ATL2: variants seen among roughly 807,000 people sequenced by gnomAD.
ATL2 encodes atlastin GTPase 2, also known as atlastin-2.
In ATL2, 31 loss-of-function variants were observed where a neutral mutation model predicts 73.9. The observed-to-expected ratio is 0.42, with a 90% CI of 0.32 to 0.57. The LOEUF (loss-of-function observed/expected upper bound fraction) is 0.57, where lower values mean the gene tolerates loss of function less well. Among genes scored for constraint, ATL2 ranks in the 20% least tolerant of loss-of-function variants. The probability of loss-of-function intolerance (pLI) is 0.14; values close to 1 mark genes in which losing one functional copy is unlikely to be tolerated. For missense variants in ATL2, 738 were observed against 702.6 expected, an observed-to-expected ratio of 1.05 and a Z score of -0.57; for synonymous variants, 291 against 237.5, an observed-to-expected ratio of 1.23 and a Z score of -2.07.
intron 1 of ATL2, among the ~76,000 whole-genome samples, chr2:38,364,134 T>G (rs1030508545): frequency 6.6e-6 from 1 of 152,126 alleles, no homozygotes; most frequent in Admixed American, 6.5e-5. Context: ...TGGTGGCGGA[T>G]GCCTGTAATA....
chr2:38,298,198 C>T lies in ATL2; in HGVS notation c.1578G>A (p.Glu526=). 1 of 1,613,928 alleles carries T rather than the reference C, an allele frequency of 6.2e-7. No homozygotes were observed. The highest frequency in any genetic ancestry group is 8.5e-7 in the Non-Finnish European group (1 of 1,179,894). ...CAATCACTGTTCCAATTTCTCTGAA[C>T]TCCCCAGAGTATTTAACATATGCCC... ...CTWAYVKYSG[E]FREIGTVIDQ... is the part of the protein sequence containing the mutation. The change falls in exon 12 of 13, where the codon GAG becomes GAA. Residue 526 remains glutamate, a synonymous_variant. Coordinates refer to ENST00000378954, the MANE Select transcript of ATL2 (RefSeq NM_001135673.4).
intron 7 of ATL2, among the ~76,000 whole-genome samples, chr2:38,312,587 T>C (rs538035717): frequency 6.6e-6 from 1 of 151,852 alleles, no homozygotes; most frequent in South Asian, 2.1e-4. Context: ...GGCGGGCGCC[T>C]GTAATCCCAG....
At chr2:38,368,640 A>T (rs1192585606) in intron 1 of ATL2, among the ~76,000 whole-genome samples, 4 of 152,264 alleles carry the variant, frequency 2.6e-5, no homozygotes, top group African/African-American at 9.6e-5. Flanking sequence ...TTTATTTAAG[A>T]AAAACATGAA....
At position 38,294,079 on chromosome 2, in the gene ATL2, C is replaced by CA. The variant is rs1241651443; in HGVS notation, c.*1914dup. On this transcript the variant is annotated 3_prime_UTR_variant, in exon 13 of 13. Coordinates refer to ENST00000378954, the MANE Select transcript of ATL2 (RefSeq NM_001135673.4). ...CAGGGTGGCAGAAGAAATAAAAAGA[C>CA]ACTTTTCAGGTGGATTCTTTAAGAA... 6.6e-6 allele frequency among the ~76,000 whole-genome samples: 1 copy of CA among 152,182 alleles called. No homozygotes were observed. The highest frequency in any genetic ancestry group is 2.4e-5 in the African/African-American group (1 of 41,458).
chr2:38,377,195 C>G lies in ATL2; in HGVS notation c.66G>C (p.Arg22=). 6.2e-7 allele frequency: 1 copy of G among 1,610,248 alleles called. No homozygotes were observed. Among genetic ancestry groups the G allele is most frequent in the Non-Finnish European group, 8.5e-7 (1 of 1,179,102 alleles). ...QPHQGLWRRR[R]TSDPSAAVNH... is the part of the protein sequence containing the mutation. ...TAACCGCGGCGCTTGGGTCGCTGGT[C>G]CGTCGCCGGCGCCACAGCCCCTGGT... is the stretch of plus-strand genomic sequence containing the variant. The change falls in exon 1 of 13, where the codon CGG becomes CGC. Residue 22 remains arginine, a synonymous_variant. Transcript: ENST00000378954.
chr2:38,358,326 A>G (rs966058188), intron 1 of ATL2: 1 of 152,928 alleles, frequency 6.5e-6, no homozygotes, highest in Non-Finnish European at 1.5e-5. Context: ...CAGGGTTGCT[A>G]TCAAGGGTTT....
chr2:38,303,586 A>G (rs1281549274), intron 9 of ATL2, among the ~76,000 whole-genome samples: 2 of 152,194 alleles, frequency 1.3e-5, no homozygotes, highest in Non-Finnish European at 2.9e-5. Context: ...AGAAAAAAGA[A>G]TGAAAAAGAA....
intron 1 of ATL2, among the ~76,000 whole-genome samples, chr2:38,361,696 T>G (rs982318779): frequency 1.3e-5 from 2 of 152,228 alleles, no homozygotes; most frequent in Non-Finnish European, 2.9e-5. Flanking sequence ...TTTGTAAGTT[T>G]GAAATACATT....
At chr2:38,321,069 C>A (rs1422389965) in intron 2 of ATL2, among the ~76,000 whole-genome samples, 1 of 151,590 alleles carries the variant, frequency 6.6e-6, no homozygotes, top group Non-Finnish European at 1.5e-5. Flanking sequence ...GGAGGAGAAT[C>A]GCTTGAACCC....
rs929500998 is a variant in ATL2, at chr2:38,294,375, C to A, written c.*1619G>T. 1.3e-5 allele frequency among the ~76,000 whole-genome samples: 2 copies of A among 152,178 alleles called. No individual in the cohort carries two copies. The highest frequency in any genetic ancestry group is 2.9e-5 in the Non-Finnish European group (2 of 68,028). ...CATCCTGGCTAAAACGGTGAAACCCCATCTCTACTTAAAATAGAAAACATT... is the reference window on the plus strand; with the variant it reads ...CATCCTGGCTAAAACGGTGAAACCCAATCTCTACTTAAAATAGAAAACATT... On this transcript the variant is annotated 3_prime_UTR_variant, in exon 13 of 13. Transcript: ENST00000378954.
At chr2:38,348,295 C>A (rs982092197) in intron 1 of ATL2, among the ~76,000 whole-genome samples, 5 of 151,556 alleles carry the variant, frequency 3.3e-5, no homozygotes, top group African/African-American at 1.2e-4. Context: ...GGAGAAACCC[C>A]ATCTCTACTA....
upstream of ATL2, chr2:38,377,363 TCTCCGCCTGTATCTCCTCGCC>T (rs749775299): frequency 0.024 from 23,241 of 958,942 alleles, 720 homozygotes; most frequent in African/African-American, 0.049. Flanking sequence ...CTAGCGCCGC[TCTCCGCCTGTATCTCCTCGCC>T]CTCCGCCTGT....
chr2:38,362,986 G>A (rs751317288), intron 1 of ATL2, among the ~76,000 whole-genome samples: 23 of 152,208 alleles, frequency 1.5e-4, no homozygotes, highest in Non-Finnish European at 2.4e-4. Flanking sequence ...ATAATTCACT[G>A]TATGAAATAA....
At chr2:38,368,836 A>G (rs1671500741) in intron 1 of ATL2, among the ~76,000 whole-genome samples, 1 of 152,216 alleles carries the variant, frequency 6.6e-6, no homozygotes, top group African/African-American at 2.4e-5. Flanking sequence ...AACGCCTGTA[A>G]TCCCAGCACT....
At chr2:38,298,906 C>CA (rs983116713) in intron 11 of ATL2, among the ~76,000 whole-genome samples, 8 of 152,154 alleles carry the variant, frequency 5.3e-5, no homozygotes, top group African/African-American at 1.7e-4. Context: ...GATAATGCCC[C>CA]AAAAAGATAT....
intron 2 of ATL2, among the ~76,000 whole-genome samples, chr2:38,319,913 G>A (rs1351799886): frequency 6.6e-6 from 1 of 152,136 alleles, no homozygotes; most frequent in Non-Finnish European, 1.5e-5. Context: ...TTCGAGACCA[G>A]CCTGGCCAAC....
At chr2:38,320,401 G>A (rs1360619998) in intron 2 of ATL2, among the ~76,000 whole-genome samples, 1 of 152,154 alleles carries the variant, frequency 6.6e-6, no homozygotes, top group Non-Finnish European at 1.5e-5. Flanking sequence ...GGAAAAAAGA[G>A]AACAGATAAA....
chr2:38,362,307 C>T (rs1044859572), intron 1 of ATL2, among the ~76,000 whole-genome samples: 4 of 152,112 alleles, frequency 2.6e-5, no homozygotes, highest in African/African-American at 9.7e-5. Flanking sequence ...CCTTCCTTAC[C>T]AGACATATCA....
chr2:38,301,383 T>C (rs1667183096), intron 9 of ATL2, among the ~76,000 whole-genome samples: 1 of 152,202 alleles, frequency 6.6e-6, no homozygotes, highest in South Asian at 2.1e-4. Flanking sequence ...AATTGACAAC[T>C]ATCTACATAA....
Sources: allele counts gnomAD v4.1 joint callset (sites outside exome capture counted in the v4.1 genomes callset), GRCh38; gene constraint gnomAD v4.1.1; transcripts MANE v1.5; gene names NCBI Gene and HGNC (gene_info 2026-07-23, HGNC 2026-07-21).